The following SKI variants were observed in gnomAD, a reference collection of about 807,000 sequenced individuals.
The protein encoded by SKI is ski oncogene.
Under a neutral mutation model 59.3 loss-of-function variants are expected in SKI, and 23 were observed. The observed-to-expected ratio is 0.39, with a 90% CI of 0.28 to 0.55. The LOEUF (loss-of-function observed/expected upper bound fraction) is 0.55, where lower values mean the gene tolerates loss of function less well. SKI is among the 20% of genes least tolerant of loss of function. The probability of loss-of-function intolerance (pLI) is 0.67; values close to 1 mark genes in which losing one functional copy is unlikely to be tolerated. For missense variants in SKI, 1,017 were observed against 1,038.9 expected, an observed-to-expected ratio of 0.98 and a Z score of 0.29; for synonymous variants, 673 against 488.6, an observed-to-expected ratio of 1.38 and a Z score of -4.98.
At chr1:2,238,197 C>G (rs1039995281) in intron 1 of SKI, among the ~76,000 whole-genome samples, 3 of 152,246 alleles carry the variant, frequency 2.0e-5, no homozygotes, top group Non-Finnish European at 2.9e-5. Flanking sequence ...CCGAGCCTTC[C>G]TTAGGAAGCA....
intron 4 of SKI, 63 bp from the exon 5 acceptor site, chr1:2,304,230 C>T: frequency 6.4e-7 from 1 of 1,553,758 alleles, no homozygotes; most frequent in Non-Finnish European, 8.7e-7. Context: ...AGCGGCGCGT[C>T]TCCCTGGTGT....
rs554408835 is a variant in SKI, at chr1:2,292,371, CTGCCCTGGG to C, written c.970-10601_970-10593del. On this transcript the variant is annotated intron_variant, in intron 1 of 6. Coordinates refer to ENST00000378536, the MANE Select transcript of SKI (RefSeq NM_003036.4). ...TGCATGGTAGGGTGACCGCAGTGGGCTGCCCTGGGTGCCCCATGAAGGACTGAGCAGTGG... is the reference window on the plus strand; with the variant it reads ...TGCATGGTAGGGTGACCGCAGTGGGCTGCCCCATGAAGGACTGAGCAGTGG... Among the ~76,000 whole-genome samples the C allele has an allele frequency of 1.5e-4, 23 of 152,294 alleles. No individual in the cohort carries two copies. In the East Asian group the frequency reaches 4.4e-3, roughly 29 times the overall value.
At chr1:2,237,630 C>A (rs1638780022) in intron 1 of SKI, among the ~76,000 whole-genome samples, 1 of 152,224 alleles carries the variant, frequency 6.6e-6, no homozygotes, top group African/African-American at 2.4e-5. Flanking sequence ...CTGATGCAGG[C>A]TTTCTCTGCC....
rs1279411470 is a variant in SKI, at chr1:2,309,549, T to C, written c.*2784T>C. 1 of 152,098 alleles carries C rather than the reference T, an allele frequency of 6.6e-6. No homozygotes were observed. Among genetic ancestry groups the C allele is most frequent in the Non-Finnish European group, 1.5e-5 (1 of 68,000 alleles). The allele number at this position is 152,098 out of a possible 1,614,324, so 9.4% of individuals were successfully genotyped here. A position where few individuals can be genotyped will look rare whatever the true frequency, so the allele number is the denominator to read the frequency against. ...CTTACCTGAGAGTTGTCTTGTTTTC[T>C]GGGCTGTTTTTAACTGAGGAAAAAA... On this transcript the variant is annotated 3_prime_UTR_variant, in exon 7 of 7. Coordinates refer to ENST00000378536, the MANE Select transcript of SKI (RefSeq NM_003036.4).
At chr1:2,280,453 C>G (rs1403375585) in intron 1 of SKI, among the ~76,000 whole-genome samples, 1 of 152,010 alleles carries the variant, frequency 6.6e-6, no homozygotes, top group Non-Finnish European at 1.5e-5. Flanking sequence ...AAGGCCTGGT[C>G]TGCTGTAAGT....
At chr1:2,290,914 TTC>T (rs1310363246) in intron 1 of SKI, among the ~76,000 whole-genome samples, 4 of 152,250 alleles carry the variant, frequency 2.6e-5, no homozygotes, top group Admixed American at 6.5e-5. Context: ...TTCCGCATTT[TTC>T]TCTTTCTGCA....
intron 1 of SKI, among the ~76,000 whole-genome samples, chr1:2,236,967 C>T (rs144030211): frequency 1.3e-5 from 2 of 152,290 alleles, no homozygotes; most frequent in Admixed American, 6.5e-5. Flanking sequence ...TTCAGAGAAA[C>T]GCAGCTCAGG....
chr1:2,294,506 C>T lies in SKI; in HGVS notation c.970-8472C>T, dbSNP rs77815099. ...GACCTCTCTGGCAGGAAGAAGACCA[C>T]GTCGTGCCGTTTCCTCCTCCCTTGA... On this transcript the variant is annotated intron_variant, in intron 1 of 6. Transcript: ENST00000378536. Among the ~76,000 whole-genome samples, 10 of 152,314 alleles carry T rather than the reference C, an allele frequency of 6.6e-5. No individual in the cohort carries two copies. The South Asian group carries it at 1.7e-3, about 25-fold the overall frequency.
At chr1:2,245,788 C>CT (rs766445644) in intron 1 of SKI, among the ~76,000 whole-genome samples, 1,458 of 70,294 alleles carry the variant, frequency 0.021, 265 homozygotes, top group African/African-American at 0.055. Context: ...ATTTTTCCTT[C>CT]TTTTTTTTTT....
At chr1:2,230,773 C>T (rs921939774) in intron 1 of SKI, among the ~76,000 whole-genome samples, 3 of 152,190 alleles carry the variant, frequency 2.0e-5, no homozygotes, top group African/African-American at 4.8e-5. Flanking sequence ...TGCATTGGCT[C>T]AGCTATTCTT....
chr1:2,269,407 C>T lies in SKI; in HGVS notation c.970-33571C>T, dbSNP rs775504789. ...GTGGCCACACTGCAGGCCCCCACAG[C>T]GTCACTAGTAGGCCAAGCGGACACT... On this transcript the variant is annotated intron_variant, in intron 1 of 6. Coordinates refer to ENST00000378536, the MANE Select transcript of SKI (RefSeq NM_003036.4). The surrounding 1 kb of genome is among the most constrained non-coding windows in gnomAD (Gnocchi z 4.7). Among the ~76,000 whole-genome samples the T allele has an allele frequency of 1.3e-5, 2 of 152,242 alleles. No homozygotes were observed. The highest frequency in any genetic ancestry group is 2.1e-4 in the South Asian group (1 of 4,834).
chr1:2,264,548 G>A lies in SKI; in HGVS notation c.969+34813G>A, dbSNP rs142790309. On this transcript the variant is annotated intron_variant, in intron 1 of 6. Coordinates refer to ENST00000378536, the MANE Select transcript of SKI (RefSeq NM_003036.4). Reference sequence around the variant, plus strand: ...GTTTCCAAAGTGCTGGGATTACAGGGGTGAGCCACTGCGTCCGGCCTGTTT... The same window carrying A: ...GTTTCCAAAGTGCTGGGATTACAGGAGTGAGCCACTGCGTCCGGCCTGTTT... 3.3e-3 allele frequency among the ~76,000 whole-genome samples: 495 copies of A among 151,812 alleles called. 4 individuals carry two copies. Among genetic ancestry groups the A allele is most frequent in the African/African-American group, 0.011 (472 of 41,404 alleles).
Position 2,304,052 on chromosome 1 carries a change from A to C in SKI, c.1424A>C (p.Glu475Ala), listed in dbSNP as rs760799232. The C allele has an allele frequency of 6.2e-7, 1 of 1,612,566 alleles. No homozygotes were observed. Among genetic ancestry groups the C allele is most frequent in the East Asian group, 2.2e-5 (1 of 44,860 alleles). Residue 475 changes from glutamate to alanine, a missense_variant, in exon 4 of 7, where the codon GAG becomes GCG. Physicochemically the swap from Glu to Ala is moderately radical, Grantham distance 107 (BLOSUM62 -1). Coordinates refer to ENST00000378536, the MANE Select transcript of SKI (RefSeq NM_003036.4). ...PETLAPVAAP[E>A]EDKDSEAEVE... ...ACGCTGGCGCCCGTGGCTGCCCCAG[A>C]GGAGGACAAGGACTCGGAGGCGGAG...
At position 2,268,883 on chromosome 1, in the gene SKI, A is replaced by C. The variant is rs1437412030; in HGVS notation, c.970-34095A>C. 4.0e-5 allele frequency among the ~76,000 whole-genome samples: 4 copies of C among 99,828 alleles called. No homozygotes were observed. Among genetic ancestry groups the C allele is most frequent in the Non-Finnish European group, 4.0e-5 (2 of 49,672 alleles). 65.5% of individuals were successfully genotyped at this position (99,828 alleles called of 152,430 possible). On this transcript the variant is annotated intron_variant, in intron 1 of 6. Transcript: ENST00000378536. The surrounding 1 kb of genome is among the most constrained non-coding windows in gnomAD (Gnocchi z 5.0). ...TCCCTCCCTTCTGCCTTTCCCCTTT[A>C]TCCTTTCCCCCCTTCCATGTCCATT...
chr1:2,230,216 C>T (rs933659832), intron 1 of SKI, among the ~76,000 whole-genome samples: 1 of 152,192 alleles, frequency 6.6e-6, no homozygotes, highest in Non-Finnish European at 1.5e-5. Flanking sequence ...GCCTTTGGGC[C>T]CCAGGAGACA....
intron 1 of SKI, among the ~76,000 whole-genome samples, chr1:2,236,729 G>A (rs1638756820): frequency 6.6e-6 from 1 of 152,140 alleles, no homozygotes; most frequent in African/African-American, 2.4e-5. Flanking sequence ...GGAAGAAATT[G>A]GTTCACCGTC....
At chr1:2,300,091 G>T (rs1640387759) in intron 1 of SKI, among the ~76,000 whole-genome samples, 1 of 152,232 alleles carries the variant, frequency 6.6e-6, no homozygotes, top group Non-Finnish European at 1.5e-5. Context: ...GCCCTGCCCT[G>T]GCAGGGGGGC....
chr1:2,232,150 C>T (rs953443136), intron 1 of SKI, among the ~76,000 whole-genome samples: 1 of 152,250 alleles, frequency 6.6e-6, no homozygotes, highest in Non-Finnish European at 1.5e-5. Context: ...AGCTTATTCT[C>T]GGGATATGTT....
intron 1 of SKI, among the ~76,000 whole-genome samples, chr1:2,301,105 G>A (rs752474661): frequency 2.8e-4 from 42 of 152,278 alleles, no homozygotes; most frequent in South Asian, 6.2e-4. Flanking sequence ...TTCAGTGGCT[G>A]CTTAGACAGG....
Sources: gnomAD v4.1 joint callset for allele counts (sites outside exome capture counted in the v4.1 genomes callset) on GRCh38, gnomAD v4.1.1 for gene constraint, Gnocchi (gnomAD v3.1) non-coding constraint, MANE v1.5 for transcripts, NCBI Gene and HGNC (gene_info 2026-07-23, HGNC 2026-07-21) for gene names.